The following KIAA1549L variants were observed in gnomAD, a reference collection of about 807,000 sequenced individuals.
KIAA1549L encodes the protein KIAA1549 like.
A neutral mutation model predicts 160.7 loss-of-function variants in KIAA1549L; 88 were observed. The observed-to-expected ratio is 0.55, with a 90% CI of 0.46 to 0.65. The LOEUF (loss-of-function observed/expected upper bound fraction) is 0.65, where lower values mean the gene tolerates loss of function less well. Among genes scored for constraint, KIAA1549L ranks in the 30% least tolerant of loss-of-function variants. The pLI, the probability that KIAA1549L is intolerant of heterozygous loss-of-function variation, is 0.00. For missense variants in KIAA1549L, 2,258 were observed against 2,437.5 expected, an observed-to-expected ratio of 0.93 and a Z score of 1.55; for synonymous variants, 950 against 976.7, an observed-to-expected ratio of 0.97 and a Z score of 0.51.
At chr11:33,406,773 T>C (rs1297217039) in intron 1 of KIAA1549L, among the ~76,000 whole-genome samples, 9 of 152,268 alleles carry the variant, frequency 5.9e-5, no homozygotes, top group Admixed American at 5.9e-4. Flanking sequence ...GATGCAGTTA[T>C]ACTTTGCTGC....
At chr11:33,449,227 T>C (rs563884440) in intron 1 of KIAA1549L, among the ~76,000 whole-genome samples, 294 of 152,308 alleles carry the variant, frequency 1.9e-3, no homozygotes, top group African/African-American at 6.8e-3. Flanking sequence ...GAAAATTTGC[T>C]CTTCAATTTT....
intron 16 of KIAA1549L, among the ~76,000 whole-genome samples, chr11:33,629,130 T>C (rs1201766114): frequency 1.3e-5 from 2 of 152,216 alleles, no homozygotes; most frequent in African/African-American, 4.8e-5. Flanking sequence ...CTCTTCTGGC[T>C]TGTAGAGTTT....
At chr11:33,420,827 C>T (rs1227044811) in intron 1 of KIAA1549L, among the ~76,000 whole-genome samples, 1 of 152,084 alleles carries the variant, frequency 6.6e-6, no homozygotes, top group African/African-American at 2.4e-5. Flanking sequence ...GATGAAACCT[C>T]GATTCCCACC....
intron 11 of KIAA1549L, among the ~76,000 whole-genome samples, chr11:33,586,036 T>C (rs12806278): frequency 0.21 from 31,944 of 152,238 alleles, 3,744 homozygotes; most frequent in East Asian, 0.37. Context: ...GTTCTTCTGC[T>C]GTTACAACCC....
At chr11:33,575,186 T>C (rs569207468) in intron 10 of KIAA1549L, among the ~76,000 whole-genome samples, 1 of 152,366 alleles carries the variant, frequency 6.6e-6, no homozygotes, top group African/African-American at 2.4e-5. Flanking sequence ...GAATTAAAGA[T>C]AATCTGATTC....
At chr11:33,497,714 G>A (rs192911798) in intron 1 of KIAA1549L, among the ~76,000 whole-genome samples, 42 of 152,194 alleles carry the variant, frequency 2.8e-4, no homozygotes, top group Non-Finnish European at 5.3e-4. Context: ...ACAAAACAAG[G>A]CAGTATTCTA....
chr11:33,382,783 A>G (rs1475228168), intron 1 of KIAA1549L, among the ~76,000 whole-genome samples: 1 of 152,160 alleles, frequency 6.6e-6, no homozygotes, highest in Admixed American at 6.6e-5. Context: ...TTGGGGCCAG[A>G]GCACAGGGCA....
intron 14 of KIAA1549L, among the ~76,000 whole-genome samples, chr11:33,608,960 A>T (rs1321583752): frequency 6.6e-6 from 1 of 152,258 alleles, no homozygotes; most frequent in Non-Finnish European, 1.5e-5. Flanking sequence ...CATTCTTTTA[A>T]AGATTATTTT....
At chr11:33,541,696 G>T in intron 1 of KIAA1549L, 106 bp from the exon 2 acceptor site, 1 of 161,406 alleles carries the variant, frequency 6.2e-6, no homozygotes, top group Non-Finnish European at 1.4e-5. Context: ...TTCTGTGATG[G>T]GTCCGGGCAG....
intron 1 of KIAA1549L, among the ~76,000 whole-genome samples, chr11:33,453,754 C>G (rs938796097): frequency 2.6e-5 from 4 of 152,202 alleles, no homozygotes; most frequent in Admixed American, 2.0e-4. Context: ...AATACCTAAT[C>G]ATTGTCAAGC....
At chr11:33,389,684 T>C (rs1850236517) in intron 1 of KIAA1549L, among the ~76,000 whole-genome samples, 1 of 152,230 alleles carries the variant, frequency 6.6e-6, no homozygotes, top group South Asian at 2.1e-4. Flanking sequence ...TTTAAACAAG[T>C]GTTTTCCATT....
intron 1 of KIAA1549L, among the ~76,000 whole-genome samples, chr11:33,510,332 T>C (rs928084530): frequency 2.6e-5 from 4 of 152,068 alleles, no homozygotes; most frequent in African/African-American, 7.2e-5. Flanking sequence ...ACTACAGGCA[T>C]GCACCACCAC....
At chr11:33,619,075 G>A (rs975218378) in intron 16 of KIAA1549L, among the ~76,000 whole-genome samples, 15 of 152,232 alleles carry the variant, frequency 9.9e-5, no homozygotes, top group African/African-American at 2.2e-4. Context: ...ATAACTCCTC[G>A]GTATGCCATG....
intron 16 of KIAA1549L, among the ~76,000 whole-genome samples, chr11:33,644,469 A>G (rs1302605538): frequency 1.3e-5 from 2 of 152,254 alleles, no homozygotes; most frequent in Non-Finnish European, 2.9e-5. Context: ...CATAGTAATT[A>G]CATGGAAATA....
intron 1 of KIAA1549L, among the ~76,000 whole-genome samples, chr11:33,394,090 T>G (rs985583310): frequency 6.6e-6 from 1 of 152,134 alleles, no homozygotes; most frequent in African/African-American, 2.4e-5. Flanking sequence ...TAAACACTTG[T>G]GGCTGGGCGC....
In KIAA1549L at chr11:33,561,221, C is replaced by T. The variant is rs544842122; in HGVS notation, c.4019-455C>T. ...ATGATTTTTAAAGAGAAAGCTACAG[C>T]AAAGACAGGTTCCTGCTGTGGGTCT... On this transcript the variant is annotated intron_variant, in intron 7 of 20. Transcript: ENST00000658780. 7.2e-5 allele frequency among the ~76,000 whole-genome samples: 11 copies of T among 152,266 alleles called. No homozygotes were observed. In the East Asian group the frequency reaches 2.1e-3, roughly 29 times the overall value.
At chr11:33,617,855 G>A (rs1235150138) in intron 15 of KIAA1549L, among the ~76,000 whole-genome samples, 1 of 151,738 alleles carries the variant, frequency 6.6e-6, no homozygotes, top group Non-Finnish European at 1.5e-5. Context: ...ATGGATGGAT[G>A]GACGGATGGA....
chr11:33,531,355 G>C (rs1181034330), intron 1 of KIAA1549L, among the ~76,000 whole-genome samples: 1 of 152,078 alleles, frequency 6.6e-6, no homozygotes, highest in African/African-American at 2.4e-5. Context: ...GGTGCCTGTA[G>C]TCCCAGCTAC....
At chr11:33,445,123 G>T (rs561729899) in intron 1 of KIAA1549L, among the ~76,000 whole-genome samples, 1 of 152,308 alleles carries the variant, frequency 6.6e-6, no homozygotes, top group Admixed American at 6.5e-5. Flanking sequence ...GTGGCTCTCA[G>T]TTGGATGAGG....
Sources: allele counts gnomAD v4.1 joint callset (sites outside exome capture counted in the v4.1 genomes callset), GRCh38; gene constraint gnomAD v4.1.1; transcripts MANE v1.5; gene names NCBI Gene and HGNC (gene_info 2026-07-23, HGNC 2026-07-21).